Variants in TNNI3 observed in about 807,000 individuals in gnomAD.
TNNI3 encodes troponin I3, cardiac type, also known as troponin I, cardiac muscle.
A neutral mutation model predicts 31.5 loss-of-function variants in TNNI3; 23 were observed. The observed-to-expected ratio is 0.73, with a 90% CI of 0.52 to 1.03. The LOEUF (loss-of-function observed/expected upper bound fraction) is 1.03, where lower values mean the gene tolerates loss of function less well. Ranked by LOEUF, TNNI3 falls within the 50% of genes least tolerant of loss-of-function variation. TNNI3 has a pLI of 0.00. For missense variants in TNNI3, 236 were observed against 282.9 expected (o/e 0.83, Z 1.19); for synonymous variants, 120 against 111.7 (o/e 1.07, Z -0.47).
intron 5 of TNNI3, among the ~76,000 whole-genome samples, chr19:55,155,049 G>C (rs1325464905): frequency 7.0e-6 from 1 of 143,664 alleles, no homozygotes; most frequent in African/African-American, 2.6e-5. Flanking sequence ...TCCTGGGTCT[G>C]AGGGAGGAGG....
chr19:55,151,800 C>A lies in TNNI3; in HGVS notation c.*34G>T. ...CAGAGAGAAGCTTTATTCCTCAGGG[C>A]CCTCCTCAGGGCAGGGGCAGTAGGC... On this transcript the variant is annotated 3_prime_UTR_variant, in exon 8 of 8. Coordinates refer to ENST00000344887, the MANE Select transcript of TNNI3 (RefSeq NM_000363.5). The A allele has an allele frequency of 3.1e-6, 5 of 1,598,900 alleles. No individual in the cohort carries two copies. Among genetic ancestry groups the A allele is most frequent in the Non-Finnish European group, 4.3e-6 (5 of 1,166,320 alleles).
Position 55,156,687 on chromosome 19 carries a change from T to C in TNNI3, c.109-43A>G. The C allele has an allele frequency of 6.4e-7, 1 of 1,553,168 alleles. No individual in the cohort carries two copies. The highest frequency in any genetic ancestry group is 1.2e-5 in the South Asian group (1 of 84,494). ...AGCAAGGAAGGATCATGGAGGGGGA[T>C]TCGGAGACGACGGTGGAGGGGACCT... On this transcript the variant is annotated intron_variant, in intron 3 of 7. Transcript: ENST00000344887. The surrounding 1 kb of genome is among the most constrained non-coding windows in gnomAD (Gnocchi z 4.6).
Position 55,156,722 on chromosome 19 carries a change from C to T in TNNI3, c.109-78G>A. 1 of 1,470,628 alleles carries T rather than the reference C, an allele frequency of 6.8e-7. No individual in the cohort carries two copies. Among genetic ancestry groups the T allele is most frequent in the South Asian group, 1.2e-5 (1 of 82,460 alleles). 91.1% of individuals were successfully genotyped at this position (1,470,628 alleles called of 1,614,324 possible). ...ACGGTGGAGGGGACCTCAAGACACC[C>T]CCAGCAAACCCAGCCGGTCCAGATT... On this transcript the variant is annotated intron_variant, in intron 3 of 7. Coordinates refer to ENST00000344887, the MANE Select transcript of TNNI3 (RefSeq NM_000363.5). The surrounding 1 kb of genome is among the most constrained non-coding windows in gnomAD (Gnocchi z 4.6).
chr19:55,156,396 G>A lies in TNNI3; in HGVS notation c.151-64C>T, dbSNP rs1164788943. 3 of 1,566,160 alleles carry A rather than the reference G, an allele frequency of 1.9e-6. No individual in the cohort carries two copies. Among genetic ancestry groups the A allele is most frequent in the Non-Finnish European group, 2.6e-6 (3 of 1,154,968 alleles). ...CTTCAGGATAAAGACCAGGCGTGGG[G>A]AACCGCCTCTGCCCTTCTAAACCCT... On this transcript the variant is annotated intron_variant, in intron 4 of 7. Coordinates refer to ENST00000344887, the MANE Select transcript of TNNI3 (RefSeq NM_000363.5). The surrounding 1 kb of genome is among the most constrained non-coding windows in gnomAD (Gnocchi z 4.6).
In TNNI3 at chr19:55,156,614, A is replaced by G. The variant is rs587780967; in HGVS notation, c.139T>C (p.Leu47=). Reference sequence around the variant, plus strand: ...CCGCCCGTCCTCACCTTCAGCTGCAATTTTCTCGAGGCGGAGATCTTAGAT... The same window carrying G: ...CCGCCCGTCCTCACCTTCAGCTGCAGTTTTCTCGAGGCGGAGATCTTAGAT... ...KKSKISASRK[L]QLKTLLLQIA... is the part of the protein sequence containing the mutation. Residue 47 remains leucine, a synonymous_variant, in exon 4 of 8, where the codon TTG becomes CTG. Transcript: ENST00000344887. This position sits in a 1 kb window ranked among gnomAD's most constrained non-coding sequence, Gnocchi z 4.6. 221 of 1,564,882 alleles carry G rather than the reference A, an allele frequency of 1.4e-4. No homozygotes were observed. The highest frequency in any genetic ancestry group is 1.7e-4 in the Non-Finnish European group (200 of 1,153,178).
rs779760588 is a variant in TNNI3, at chr19:55,154,722, A to G, written c.372+19T>C. The G allele has an allele frequency of 1.4e-5, 22 of 1,612,292 alleles. No homozygotes were observed. The South Asian group carries it at 2.4e-4, about 18-fold the overall frequency. On this transcript the variant is annotated intron_variant, in intron 6 of 7. Transcript: ENST00000344887. ...TCTCACCCTACCCCGAAGGTACCCG[A>G]GCTGCCCATGCGTCCCACCTCCGTG...
rs1454265549 is a variant in TNNI3, at chr19:55,157,380, C to T, written c.12-72G>A. 1 of 1,609,536 alleles carries T rather than the reference C, an allele frequency of 6.2e-7. No homozygotes were observed. Among genetic ancestry groups the T allele is most frequent in the Non-Finnish European group, 8.5e-7 (1 of 1,177,686 alleles). ...CTGTCTCCTAAGGGACCCCTGGAGT[C>T]CCCTCTGAACAAGAGGTCGGGGGAC... is the stretch of plus-strand genomic sequence containing the variant. On this transcript the variant is annotated intron_variant, in intron 1 of 7. Coordinates refer to ENST00000344887, the MANE Select transcript of TNNI3 (RefSeq NM_000363.5). The surrounding 1 kb of genome is among the most constrained non-coding windows in gnomAD (Gnocchi z 6.3).
chr19:55,156,324 C>T lies in TNNI3; in HGVS notation c.159G>A (p.Leu53=), dbSNP rs1008246983. 1.2e-6 allele frequency: 2 copies of T among 1,609,104 alleles called. No homozygotes were observed. Among genetic ancestry groups the T allele is most frequent in the Admixed American group, 1.7e-5 (1 of 59,568 alleles). ...ASRKLQLKTL[L]LQIAKQELER... ...CCAGCTCTTGCTTTGCAATCTGCAG[C>T]AGCAGAGTCTGCAGAGGGGTGGGAG... The change falls in exon 5 of 8, where the codon CTG becomes CTA. Residue 53 remains leucine, a synonymous_variant. Coordinates refer to ENST00000344887, the MANE Select transcript of TNNI3 (RefSeq NM_000363.5). The surrounding 1 kb of genome is among the most constrained non-coding windows in gnomAD (Gnocchi z 4.6).
Position 55,154,788 on chromosome 19 carries a change from C to T in TNNI3, c.325G>A (p.Glu109Lys). ...QLHARVDKVD[E>K]ERYDIEAKVT... The stretch of plus-strand genomic sequence containing the variant: ...TTTGCCTCTATGTCGTATCTCTCTT[C>T]ATCCACCTTGTCCACACGGGCGTGG... Residue 109 changes from glutamate to lysine, a missense_variant, in exon 6 of 8, where the codon GAA becomes AAA. Around this residue, in one of 4 missense-constraint regions of TNNI3, gnomAD observed 172 missense variants for 171.8 expected, o/e 1.00. Coordinates refer to ENST00000344887, the MANE Select transcript of TNNI3 (RefSeq NM_000363.5). 6.2e-7 allele frequency: 1 copy of T among 1,614,240 alleles called. No homozygotes were observed. The highest frequency in any genetic ancestry group is 8.5e-7 in the Non-Finnish European group (1 of 1,180,034).
Position 55,157,172 on chromosome 19 carries a change from C to G in TNNI3, c.25-39G>C, listed in dbSNP as rs764437458. 1 of 1,588,428 alleles carries G rather than the reference C, an allele frequency of 6.3e-7. No homozygotes were observed. The highest frequency in any genetic ancestry group is 1.3e-5 in the African/African-American group (1 of 74,646). On this transcript the variant is annotated intron_variant, in intron 2 of 7. Coordinates refer to ENST00000344887, the MANE Select transcript of TNNI3 (RefSeq NM_000363.5). This position sits in a 1 kb window ranked among gnomAD's most constrained non-coding sequence, Gnocchi z 6.3. ...AGTGGGGACCCCATCACCACCAAGA[C>G]CCCACCCAGCCCTTACCGTACCGCA... is the stretch of plus-strand genomic sequence containing the variant.
At position 55,156,286 on chromosome 19, in the gene TNNI3, T is replaced by G; in HGVS notation, c.197A>C (p.Glu66Ala). The change falls in exon 5 of 8, where the codon GAG becomes GCG. Residue 66 changes from glutamate (E) to alanine (A), a missense_variant. Physicochemically the swap from Glu to Ala is moderately radical, Grantham distance 107. This residue lies in a region of TNNI3 where 172 missense variants were observed against 171.8 expected (regional missense o/e 1.00). Coordinates refer to ENST00000344887, the MANE Select transcript of TNNI3 (RefSeq NM_000363.5). The surrounding 1 kb of genome is among the most constrained non-coding windows in gnomAD (Gnocchi z 4.6). ...GCGCCCCTTCTCTCCGCGCCGCTCCTCCGCCTCTCGCTCCAGCTCTTGCTT... is the reference window on the plus strand; with the variant it reads ...GCGCCCCTTCTCTCCGCGCCGCTCCGCCGCCTCTCGCTCCAGCTCTTGCTT... ...IAKQELEREA[E>A]ERRGEKGRAL... is the part of the protein sequence containing the mutation. 6 of 1,610,932 alleles carry G rather than the reference T, an allele frequency of 3.7e-6. No homozygotes were observed. The highest frequency in any genetic ancestry group is 5.1e-6 in the Non-Finnish European group (6 of 1,179,302).
At chr19:55,153,462 T>C (rs576976462) in intron 7 of TNNI3, among the ~76,000 whole-genome samples, 1 of 152,052 alleles carries the variant, frequency 6.6e-6, no homozygotes, top group South Asian at 2.1e-4. Context: ...GCACCCTCGA[T>C]CTCATGGGCT....
chr19:55,154,608 C>A, intron 6 of TNNI3, 133 bp downstream of exon 6: 1 of 799,818 alleles, frequency 1.3e-6, no homozygotes. Flanking sequence ...TCTGCCCCAG[C>A]CCTGCCAGGC....
intron 6 of TNNI3, chr19:55,154,494 C>T: frequency 1.6e-6 from 1 of 626,636 alleles, no homozygotes; most frequent in African/African-American, 1.8e-5. Flanking sequence ...ATGTGATGCC[C>T]TGAGCATGTT....
At position 55,156,661 on chromosome 19, in the gene TNNI3, G is replaced by T. The variant is rs139150276; in HGVS notation, c.109-17C>A. 1.0e-3 allele frequency: 1,590 copies of T among 1,561,470 alleles called. 33 individuals are homozygous for T. In the East Asian group the frequency reaches 0.027, roughly 27 times the overall value. Reference sequence around the variant, plus strand: ...AGATTTTTTCTGCCAGGGTGAGATGGAGCAAGGAAGGATCATGGAGGGGGA... The same window carrying T: ...AGATTTTTTCTGCCAGGGTGAGATGTAGCAAGGAAGGATCATGGAGGGGGA... On this transcript the variant is annotated splice_polypyrimidine_tract_variant and intron_variant, in intron 3 of 7. Coordinates refer to ENST00000344887, the MANE Select transcript of TNNI3 (RefSeq NM_000363.5). This position sits in a 1 kb window ranked among gnomAD's most constrained non-coding sequence, Gnocchi z 4.6.
In TNNI3 at chr19:55,154,219, G is replaced by A. The variant is rs771031464; in HGVS notation, c.373-13C>T. Reference sequence around the variant, plus strand: ...TCAGATCTGCAATCTGGGGGCACACGAGGGGGTGGGTACTTCTCCTTCCAT... The same window carrying A: ...TCAGATCTGCAATCTGGGGGCACACAAGGGGGTGGGTACTTCTCCTTCCAT... On this transcript the variant is annotated splice_polypyrimidine_tract_variant and intron_variant, in intron 6 of 7. Coordinates refer to ENST00000344887, the MANE Select transcript of TNNI3 (RefSeq NM_000363.5). The A allele has an allele frequency of 6.8e-6, 11 of 1,609,712 alleles. No individual in the cohort carries two copies. Among genetic ancestry groups the A allele is most frequent in the East Asian group, 4.5e-5 (2 of 44,876 alleles).
chr19:55,152,156 T>C lies in TNNI3; in HGVS notation c.550-239A>G, dbSNP rs985429767. ...TCCTGTCTTTCCCCAGCACTTCCTG[T>C]CTCCCTCATGTACTTTCTGTCTTTC... On this transcript the variant is annotated intron_variant, in intron 7 of 7. Transcript: ENST00000344887. This position sits in a 1 kb window ranked among gnomAD's most constrained non-coding sequence, Gnocchi z 4.0. 6.8e-6 allele frequency among the ~76,000 whole-genome samples: 1 copy of C among 148,042 alleles called. No homozygotes were observed. Among genetic ancestry groups the C allele is most frequent in the Admixed American group, 6.7e-5 (1 of 14,962 alleles).
rs530460806 is a variant in TNNI3 at position 55,156,988 on chromosome 19, C to A, written c.108+62G>T. The A allele has an allele frequency of 9.2e-6, 14 of 1,520,306 alleles. No individual in the cohort carries two copies. In the African/African-American group the frequency reaches 1.6e-4, roughly 18 times the overall value. 94.2% of individuals were successfully genotyped at this position (1,520,306 alleles called of 1,614,324 possible). A position where few individuals can be genotyped will look rare whatever the true frequency, so the allele number is the denominator to read the frequency against. ...CCTTCGCAGCCCTGGCTCCTCCCCC[C>A]ACTCCCAGGGTCTTGGATCCCTCCG... On this transcript the variant is annotated intron_variant, in intron 3 of 7. Coordinates refer to ENST00000344887, the MANE Select transcript of TNNI3 (RefSeq NM_000363.5). This position sits in a 1 kb window ranked among gnomAD's most constrained non-coding sequence, Gnocchi z 4.6.
rs753160943 is a variant in TNNI3 at position 55,157,358 on chromosome 19, T to TCTGC, written c.12-51_12-50insGCAG. The TCTGC allele has an allele frequency of 9.3e-6, 15 of 1,611,246 alleles. No individual in the cohort carries two copies. In the African/African-American group the frequency reaches 2.0e-4, roughly 22 times the overall value. On this transcript the variant is annotated intron_variant, in intron 1 of 7. Transcript: ENST00000344887. The surrounding 1 kb of genome is among the most constrained non-coding windows in gnomAD (Gnocchi z 6.3). ...GGGGTTAGTGGTGGGCTGTGTCCTG[T>TCTGC]CTCCTAAGGGACCCCTGGAGTCCCC...
Sources: gnomAD v4.1 joint callset for allele counts (sites outside exome capture counted in the v4.1 genomes callset) on GRCh38, gnomAD v4.1.1 for gene constraint, gnomAD v4.1.1 regional missense constraint, Gnocchi (gnomAD v3.1) non-coding constraint, MANE v1.5 for transcripts, NCBI Gene and HGNC (gene_info 2026-07-23, HGNC 2026-07-21) for gene names.